Variants in CTNNBL1 observed in about 807,000 individuals in gnomAD.
CTNNBL1 encodes the protein beta-catenin-like protein 1.
Under a neutral mutation model 72.7 loss-of-function variants are expected in CTNNBL1, and 31 were observed. That is an observed-to-expected ratio of 0.43 (90% CI 0.32 to 0.58). The LOEUF is 0.58. CTNNBL1 is among the 20% of genes least tolerant of loss of function. CTNNBL1 has a pLI of 0.08. For synonymous variants in CTNNBL1, 240 were observed against 267.3 expected (o/e 0.90, Z 1.00); for missense variants, 534 against 725.1 (o/e 0.74, Z 3.03).
intron 4 of CTNNBL1, among the ~76,000 whole-genome samples, chr20:37,754,853 GCTGGAGTGCAGTGGCA>G (rs2073349875): frequency 6.6e-6 from 1 of 151,776 alleles, no homozygotes; most frequent in African/African-American, 2.4e-5. Flanking sequence ...TATCACCCAG[GCTGGAGTGCAGTGGCA>G]CAATCTCAGC....
chr20:37,820,343 A>G (rs1052096544), intron 11 of CTNNBL1, among the ~76,000 whole-genome samples: 9 of 152,158 alleles, frequency 5.9e-5, no homozygotes, highest in Non-Finnish European at 1.2e-4. Flanking sequence ...TCTCCTTGCA[A>G]TTCATACCAT....
At chr20:37,702,960 T>C (rs1437581194) in intron 1 of CTNNBL1, among the ~76,000 whole-genome samples, 2 of 152,250 alleles carry the variant, frequency 1.3e-5, no homozygotes, top group African/African-American at 4.8e-5. Flanking sequence ...CTTGTTGGCC[T>C]ACATCTCTGT....
At chr20:37,787,674 GT>G (rs1393293491) in intron 10 of CTNNBL1, among the ~76,000 whole-genome samples, 1 of 152,176 alleles carries the variant, frequency 6.6e-6, no homozygotes, top group Admixed American at 6.5e-5. Flanking sequence ...CAGCGTGAAA[GT>G]TTGTCTTTCA....
chr20:37,765,223 G>A lies in CTNNBL1; in HGVS notation c.591G>A (p.Leu197=). Residue 197 remains leucine (L), a synonymous_variant, in exon 6 of 16, where the codon CTG becomes CTA. Coordinates refer to ENST00000361383, the MANE Select transcript of CTNNBL1 (RefSeq NM_030877.5). ...ALVDGQVVAL[L]VQNLERLDES... ...TGGATGGGCAGGTGGTAGCACTGCT[G>A]GTACAGAATCTGGAGCGCCTGGATG... The A allele has an allele frequency of 6.4e-7, 1 of 1,551,488 alleles. No individual in the cohort carries two copies. The highest frequency in any genetic ancestry group is 2.0e-5 in the Admixed American group (1 of 51,004).
chr20:37,722,882 T>C (rs894542076), intron 1 of CTNNBL1, among the ~76,000 whole-genome samples: 5 of 152,238 alleles, frequency 3.3e-5, no homozygotes, highest in African/African-American at 9.6e-5. Context: ...CAGCACCTAA[T>C]AGAGTGATGT....
chr20:37,737,546 T>C, intron 3 of CTNNBL1, 62 bp downstream of exon 3: 2 of 1,202,664 alleles, frequency 1.7e-6, no homozygotes, highest in Non-Finnish European at 2.4e-6. Context: ...TAATTTTGTT[T>C]TGATTTTGGT....
intron 13 of CTNNBL1, among the ~76,000 whole-genome samples, chr20:37,847,636 T>C (rs1412930639): frequency 6.6e-6 from 1 of 152,170 alleles, no homozygotes; most frequent in Non-Finnish European, 1.5e-5. Context: ...CATGCCTGGC[T>C]TTTGACTGTC....
At chr20:37,869,386 G>A (rs1197987049) in intron 15 of CTNNBL1, among the ~76,000 whole-genome samples, 1 of 152,236 alleles carries the variant, frequency 6.6e-6, no homozygotes, top group Non-Finnish European at 1.5e-5. Flanking sequence ...TTACTAGAGA[G>A]TTCTCTCCAT....
intron 4 of CTNNBL1, chr20:37,749,769 T>C (rs2073301581): frequency 1.3e-5 from 2 of 152,208 alleles, no homozygotes; most frequent in Non-Finnish European, 2.9e-5. Flanking sequence ...GACTTGCATC[T>C]ACCATATCCT....
At chr20:37,851,149 G>A (rs987316740) in intron 13 of CTNNBL1, among the ~76,000 whole-genome samples, 1 of 152,192 alleles carries the variant, frequency 6.6e-6, no homozygotes, top group Non-Finnish European at 1.5e-5. Flanking sequence ...CTCCTTGTGT[G>A]TCTTTGGAGA....
At chr20:37,762,132 G>A (rs1460073504) in intron 5 of CTNNBL1, among the ~76,000 whole-genome samples, 4 of 152,192 alleles carry the variant, frequency 2.6e-5, no homozygotes, top group African/African-American at 9.7e-5. Context: ...GGAGGGGCAA[G>A]AATGGAAGCT....
intron 3 of CTNNBL1, chr20:37,744,587 T>A (rs1273866487): frequency 6.6e-6 from 1 of 152,120 alleles, no homozygotes; most frequent in Non-Finnish European, 1.5e-5. Flanking sequence ...TGATTCATAG[T>A]CTCTTCTTGG....
chr20:37,864,229 G>C (rs1445646982), intron 15 of CTNNBL1, among the ~76,000 whole-genome samples: 17 of 97,182 alleles, frequency 1.7e-4, no homozygotes, highest in African/African-American at 6.8e-4. Flanking sequence ...AAAAGCCCAA[G>C]AAAACAAAGC....
chr20:37,705,688 T>C (rs1016593412), intron 1 of CTNNBL1, among the ~76,000 whole-genome samples: 2 of 152,232 alleles, frequency 1.3e-5, no homozygotes, highest in East Asian at 1.9e-4. Context: ...TTAATATTAC[T>C]AAGATATCTC....
At chr20:37,870,100 G>A (rs369708948) in intron 15 of CTNNBL1, among the ~76,000 whole-genome samples, 1 of 151,750 alleles carries the variant, frequency 6.6e-6, no homozygotes, top group African/African-American at 2.4e-5. Flanking sequence ...TCACTGTGCT[G>A]GGACAACAGG....
intron 15 of CTNNBL1, among the ~76,000 whole-genome samples, chr20:37,867,477 T>G (rs2072545730): frequency 1.3e-5 from 2 of 152,182 alleles, no homozygotes; most frequent in Admixed American, 1.3e-4. Context: ...ACCTGCTGTC[T>G]AAAGTTTGCT....
At chr20:37,848,113 G>A (rs1210977851) in intron 13 of CTNNBL1, among the ~76,000 whole-genome samples, 1 of 150,050 alleles carries the variant, frequency 6.7e-6, no homozygotes, top group Non-Finnish European at 1.5e-5. Flanking sequence ...GAATCCTGCT[G>A]AGAGTTCCTC....
rs189602484 is a variant in CTNNBL1, at chr20:37,772,048, T to G, written c.750+4004T>G. On this transcript the variant is annotated intron_variant, in intron 7 of 15. Transcript: ENST00000361383. ...CTAGCATCTACCCGTAACTGTGTGA[T>G]GCTCGCCCTCATGGAGCATCTTCTC... 2.6e-5 allele frequency among the ~76,000 whole-genome samples: 4 copies of G among 152,372 alleles called. No individual in the cohort carries two copies. In the East Asian group the frequency reaches 5.8e-4, roughly 22 times the overall value.
chr20:37,747,548 G>A (rs971951209), intron 4 of CTNNBL1, among the ~76,000 whole-genome samples: 2 of 152,016 alleles, frequency 1.3e-5, no homozygotes, highest in Admixed American at 6.6e-5. Context: ...CACAGATAGA[G>A]TTAATAACTT....
Sources: gnomAD v4.1 joint callset for allele counts (sites outside exome capture counted in the v4.1 genomes callset) on GRCh38, gnomAD v4.1.1 for gene constraint, MANE v1.5 for transcripts, NCBI Gene and HGNC (gene_info 2026-07-23, HGNC 2026-07-21) for gene names.